Variants in SGPP1 observed in about 807,000 individuals in gnomAD.
SGPP1 encodes the protein sphingosine-1-phosphate phosphatase 1.
Under a neutral mutation model 33.0 loss-of-function variants are expected in SGPP1, and 21 were observed. The observed-to-expected ratio is 0.64, with a 90% CI of 0.45 to 0.92. The LOEUF is 0.92. Among genes scored for constraint, SGPP1 ranks in the 40% least tolerant of loss-of-function variants. The probability of loss-of-function intolerance (pLI) is 0.00; values close to 1 mark genes in which losing one functional copy is unlikely to be tolerated. For missense variants in SGPP1, 543 were observed against 589.4 expected, an observed-to-expected ratio of 0.92 and a Z score of 0.81; for synonymous variants, 239 against 241.2, an observed-to-expected ratio of 0.99 and a Z score of 0.08.
At chr14:63,704,885 G>T (rs1452985400) in intron 1 of SGPP1, among the ~76,000 whole-genome samples, 1 of 152,068 alleles carries the variant, frequency 6.6e-6, no homozygotes, top group Admixed American at 6.6e-5. Flanking sequence ...CAGCACTTTG[G>T]GAAGCCTAGG....
intron 2 of SGPP1, among the ~76,000 whole-genome samples, chr14:63,692,375 A>T (rs1004429625): frequency 2.6e-5 from 4 of 152,244 alleles, no homozygotes; most frequent in South Asian, 2.1e-4. Flanking sequence ...AAGGTACTTG[A>T]CACAGTTGTT....
intron 1 of SGPP1, among the ~76,000 whole-genome samples, chr14:63,715,230 G>C (rs1329884935): frequency 1.3e-5 from 2 of 150,862 alleles, no homozygotes; most frequent in Non-Finnish European, 3.0e-5. Context: ...GGCCAGGCTG[G>C]TCTCGAACTC....
chr14:63,707,406 G>T (rs531149872), intron 1 of SGPP1, among the ~76,000 whole-genome samples: 1 of 152,080 alleles, frequency 6.6e-6, no homozygotes, highest in Non-Finnish European at 1.5e-5. Flanking sequence ...CTTGTAACAC[G>T]TCAGAGCTAC....
intron 2 of SGPP1, among the ~76,000 whole-genome samples, chr14:63,691,747 T>C (rs1885097995): frequency 6.6e-6 from 1 of 152,208 alleles, no homozygotes; most frequent in African/African-American, 2.4e-5. Context: ...GATTCTGATG[T>C]ACACCCTGGT....
At chr14:63,717,698 T>C (rs955228056) in intron 1 of SGPP1, among the ~76,000 whole-genome samples, 5 of 152,106 alleles carry the variant, frequency 3.3e-5, no homozygotes, top group African/African-American at 1.2e-4. Context: ...ATGCTGAAGA[T>C]CTTCCAAATA....
chr14:63,723,513 G>A (rs563875640), intron 1 of SGPP1, among the ~76,000 whole-genome samples: 3 of 152,256 alleles, frequency 2.0e-5, no homozygotes, highest in African/African-American at 7.2e-5. Context: ...GAGGTCAAGA[G>A]ATCGAGACCA....
chr14:63,720,778 C>CA (rs1269468780), intron 1 of SGPP1, among the ~76,000 whole-genome samples: 1 of 151,698 alleles, frequency 6.6e-6, no homozygotes, highest in African/African-American at 2.4e-5. Flanking sequence ...AACAAACAAA[C>CA]AACTATATAA....
intron 1 of SGPP1, among the ~76,000 whole-genome samples, chr14:63,711,243 G>A (rs922540628): frequency 6.6e-6 from 1 of 152,098 alleles, no homozygotes; most frequent in African/African-American, 2.4e-5. Flanking sequence ...TTGAACTCCT[G>A]ACCTCAGGTG....
chr14:63,689,969 T>C (rs565521930), intron 2 of SGPP1, among the ~76,000 whole-genome samples: 56 of 152,350 alleles, frequency 3.7e-4, no homozygotes, highest in Admixed American at 7.8e-4. Context: ...TGCATCATTA[T>C]ACAATTTATT....
rs538497853 is a variant in SGPP1, at chr14:63,700,464, C to T, written c.685-1806G>A. ...AATTATCCTTAATTCTTTCCTTAGC[C>T]GTTGTATTCAACAAATAATCAAGTT... is the stretch of plus-strand genomic sequence containing the variant. On this transcript the variant is annotated intron_variant, in intron 1 of 2. Coordinates refer to ENST00000247225, the MANE Select transcript of SGPP1 (RefSeq NM_030791.4). Among the ~76,000 whole-genome samples, 134 of 152,198 alleles carry T rather than the reference C, an allele frequency of 8.8e-4. No individual in the cohort carries two copies. The Middle Eastern group carries it at 0.01, about 12-fold the overall frequency.
rs1236494789 is a variant in SGPP1 at position 63,727,393 on chromosome 14, C to T, written c.552G>A (p.Pro184=). 6.2e-7 allele frequency: 1 copy of T among 1,613,972 alleles called. No homozygotes were observed. The highest frequency in any genetic ancestry group is 8.5e-7 in the Non-Finnish European group (1 of 1,179,996). The change falls in exon 1 of 3, where the codon CCG becomes CCA. Residue 184 remains proline, a synonymous_variant. Coordinates refer to ENST00000247225, the MANE Select transcript of SGPP1 (RefSeq NM_030791.4). The part of the protein sequence containing the change: ...GQCTKDIIRW[P]RPASPPVVKL... ...TGACCACGGGCGGCGAGGCGGGCCT[C>T]GGCCAGCGGATGATGTCCTTGGTGC...
At chr14:63,687,273 T>C (rs1324886349) in intron 2 of SGPP1, among the ~76,000 whole-genome samples, 2 of 151,998 alleles carry the variant, frequency 1.3e-5, no homozygotes, top group African/African-American at 4.8e-5. Context: ...AATCCCTGTC[T>C]CTACTAAAAA....
At chr14:63,694,529 GCTTC>G (rs888933068) in intron 2 of SGPP1, among the ~76,000 whole-genome samples, 13 of 152,048 alleles carry the variant, frequency 8.5e-5, no homozygotes, top group African/African-American at 2.4e-4. Context: ...AGACAAATCT[GCTTC>G]CTTTTCTGTT....
intron 2 of SGPP1, among the ~76,000 whole-genome samples, chr14:63,691,434 C>G (rs1885093315): frequency 6.6e-6 from 1 of 152,144 alleles, no homozygotes; most frequent in Non-Finnish European, 1.5e-5. Flanking sequence ...TTCAGGCAAA[C>G]TATTATATAT....
intron 2 of SGPP1, 33 bp from the exon 3 acceptor site, chr14:63,686,689 T>C: frequency 2.2e-6 from 3 of 1,392,630 alleles, no homozygotes; most frequent in East Asian, 2.3e-5. Flanking sequence ...TTGTTTAGTA[T>C]AATACTGAAT....
chr14:63,723,575 C>CG (rs371379619), intron 1 of SGPP1, among the ~76,000 whole-genome samples: 1 of 151,770 alleles, frequency 6.6e-6, no homozygotes, highest in South Asian at 2.1e-4. Context: ...AAACATTAGC[C>CG]GGGGGTGGTG....
intron 1 of SGPP1, among the ~76,000 whole-genome samples, chr14:63,727,004 G>A (rs2139658998): frequency 6.6e-6 from 1 of 152,238 alleles, no homozygotes; most frequent in Non-Finnish European, 1.5e-5. Context: ...ATTACTCTAG[G>A]AAAAGTGTGT....
At chr14:63,727,185 A>T in intron 1 of SGPP1, 76 bp downstream of exon 1, 1 of 1,488,408 alleles carries the variant, frequency 6.7e-7, no homozygotes, top group Non-Finnish European at 8.9e-7. Context: ...GTCGAATTAA[A>T]ATAAATGCAG....
At chr14:63,722,000 A>C (rs1885781308) in intron 1 of SGPP1, among the ~76,000 whole-genome samples, 1 of 152,164 alleles carries the variant, frequency 6.6e-6, no homozygotes, top group South Asian at 2.1e-4. Flanking sequence ...TAAAAATCAC[A>C]CACAAAGTGT....
Sources: gnomAD v4.1 joint callset for allele counts (sites outside exome capture counted in the v4.1 genomes callset) on GRCh38, gnomAD v4.1.1 for gene constraint, MANE v1.5 for transcripts, NCBI Gene and HGNC (gene_info 2026-07-23, HGNC 2026-07-21) for gene names.